The following FAM227B variants were observed in gnomAD, a reference collection of about 807,000 sequenced individuals.
The protein encoded by FAM227B is protein FAM227B.
A neutral mutation model predicts 73.8 loss-of-function variants in FAM227B; 88 were observed. The observed-to-expected ratio is 1.19, with a 90% CI of 1.00 to 1.42. The LOEUF (loss-of-function observed/expected upper bound fraction) is 1.42. Ranked by LOEUF, FAM227B falls within the 40% of genes most tolerant of loss-of-function variation. FAM227B has a pLI of 0.00. For synonymous variants in FAM227B, 210 were observed against 190.5 expected, an observed-to-expected ratio of 1.10 and a Z score of -0.84; for missense variants, 632 against 590.9, an observed-to-expected ratio of 1.07 and a Z score of -0.72.
intron 5 of FAM227B, among the ~76,000 whole-genome samples, chr15:49,580,344 T>C (rs1038382852): frequency 5.9e-5 from 9 of 152,164 alleles, no homozygotes; most frequent in Non-Finnish European, 1.3e-4. Flanking sequence ...TTAAGCACCA[T>C]CTACTGAATC....
intron 11 of FAM227B, among the ~76,000 whole-genome samples, chr15:49,420,341 A>G (rs936580379): frequency 3.9e-5 from 6 of 152,202 alleles, no homozygotes; most frequent in South Asian, 2.1e-4. Flanking sequence ...CCCTGTAGCT[A>G]TAACAAAAAC....
intron 11 of FAM227B, among the ~76,000 whole-genome samples, chr15:49,455,864 T>C (rs1031470320): frequency 5.9e-5 from 9 of 152,046 alleles, no homozygotes; most frequent in African/African-American, 2.2e-4. Context: ...CTTTTTTTTC[T>C]TTTTGTACCC....
chr15:49,392,544 G>T (rs2151578216), intron 11 of FAM227B, among the ~76,000 whole-genome samples: 1 of 152,200 alleles, frequency 6.6e-6, no homozygotes, highest in Admixed American at 6.5e-5. Flanking sequence ...GAGTAACAAG[G>T]CAAGACAATG....
intron 3 of FAM227B, among the ~76,000 whole-genome samples, chr15:49,602,134 A>G (rs1171566339): frequency 1.3e-5 from 2 of 151,880 alleles, no homozygotes; most frequent in Non-Finnish European, 2.9e-5. Flanking sequence ...TGACATACTG[A>G]TTTTTTTTCT....
intron 11 of FAM227B, among the ~76,000 whole-genome samples, chr15:49,406,802 C>T (rs936669689): frequency 6.6e-6 from 1 of 152,006 alleles, no homozygotes; most frequent in Admixed American, 6.5e-5. Context: ...TTGCTGTGGG[C>T]CTGAGGGAAG....
At chr15:49,484,159 C>T (rs887146925) in intron 11 of FAM227B, 18 of 549,784 alleles carry the variant, frequency 3.3e-5, no homozygotes, top group Non-Finnish European at 5.7e-5. Context: ...ATAAGTATAG[C>T]TAATAAACCA....
At chr15:49,342,391 C>T (rs182956321) in intron 13 of FAM227B, among the ~76,000 whole-genome samples, 11 of 152,228 alleles carry the variant, frequency 7.2e-5, no homozygotes, top group Admixed American at 6.5e-4. Context: ...GAACTTTCTC[C>T]AGTCCTTTAA....
chr15:49,377,946 C>T lies in FAM227B; in HGVS notation c.1013-6547G>A, dbSNP rs116459926. On this transcript the variant is annotated intron_variant, in intron 11 of 15. Transcript: ENST00000299338. ...AAAAAATGTCACTTAGACCAATGTC[C>T]TGGAGAGTTTCCCTGATGTTTTCTT... 6.3e-3 allele frequency among the ~76,000 whole-genome samples: 964 copies of T among 152,244 alleles called. 15 individuals are homozygous for T. The highest frequency in any genetic ancestry group is 0.022 in the African/African-American group (908 of 41,546).
intron 11 of FAM227B, among the ~76,000 whole-genome samples, chr15:49,391,031 C>T (rs151217493): frequency 2.8e-4 from 42 of 152,178 alleles, no homozygotes; most frequent in African/African-American, 1.0e-3. Flanking sequence ...CGGCAACTCA[C>T]TTTCCAATTG....
chr15:49,442,623 A>C (rs1303672041), intron 11 of FAM227B, among the ~76,000 whole-genome samples: 1 of 151,656 alleles, frequency 6.6e-6, no homozygotes, highest in Non-Finnish European at 1.5e-5. Flanking sequence ...CTTTGCATAG[A>C]GTAGTTACTC....
chr15:49,426,186 C>G (rs1027770800), intron 11 of FAM227B, among the ~76,000 whole-genome samples: 1 of 151,776 alleles, frequency 6.6e-6, no homozygotes, highest in Non-Finnish European at 1.5e-5. Context: ...AATTTTTCAT[C>G]TATAAAATGT....
At chr15:49,550,960 A>C (rs1320069272) in intron 9 of FAM227B, among the ~76,000 whole-genome samples, 1 of 152,196 alleles carries the variant, frequency 6.6e-6, no homozygotes, top group African/African-American at 2.4e-5. Flanking sequence ...TAGCGAGCCG[A>C]GATCACACCA....
rs1044204329 is a variant in FAM227B at position 49,365,333 on chromosome 15, G to GT, written c.1271+2114dup. On this transcript the variant is annotated intron_variant, in intron 13 of 15. Transcript: ENST00000299338. ...TTTCATCAGCACCAGAACAACAAAT[G>GT]TAAGTATCATGCCAATAGCATAGGC... 30 of 1,568,312 alleles carry GT rather than the reference G, an allele frequency of 1.9e-5. No individual in the cohort carries two copies. In the African/African-American group the frequency reaches 3.8e-4, roughly 20 times the overall value.
intron 11 of FAM227B, chr15:49,424,739 C>T (rs376912968): frequency 1.3e-5 from 7 of 542,698 alleles, no homozygotes; most frequent in Non-Finnish European, 6.2e-6. Context: ...GAACTATGCC[C>T]CTAAAAATAT....
intron 11 of FAM227B, chr15:49,424,445 G>A: frequency 1.2e-6 from 2 of 1,613,506 alleles, no homozygotes; most frequent in Non-Finnish European, 1.7e-6. Context: ...TTCCAGCCCT[G>A]AGCGACACAC....
chr15:49,329,651 G>A, intron 15 of FAM227B: 1 of 984,642 alleles, frequency 1.0e-6, no homozygotes, highest in Non-Finnish European at 1.2e-6. Flanking sequence ...GAAAGCTTGA[G>A]TCAAATTTGT....
At chr15:49,489,915 CAG>C (rs2056927315) in intron 11 of FAM227B, among the ~76,000 whole-genome samples, 2 of 17,326 alleles carry the variant, frequency 1.2e-4, no homozygotes, top group Non-Finnish European at 1.8e-4. Context: ...GAGAGAGAGA[CAG>C]AGAGAGAGAC....
At position 49,328,273 on chromosome 15, in the gene FAM227B, A is replaced by G. The variant is rs776952706; in HGVS notation, c.*295T>C. The G allele has an allele frequency of 1.5e-5, 22 of 1,449,036 alleles. No individual in the cohort carries two copies. The highest frequency in any genetic ancestry group is 1.8e-5 in the Non-Finnish European group (20 of 1,101,826). 89.8% of individuals were successfully genotyped at this position (1,449,036 alleles called of 1,614,324 possible). Reference sequence around the variant, plus strand: ...TTTTGTATTATGATGAACGGTTGCTATTATATCAAGATATATTTTCAAAGA... The same window carrying G: ...TTTTGTATTATGATGAACGGTTGCTGTTATATCAAGATATATTTTCAAAGA... On this transcript the variant is annotated 3_prime_UTR_variant, in exon 16 of 16. Coordinates refer to ENST00000299338, the MANE Select transcript of FAM227B (RefSeq NM_152647.3).
intron 3 of FAM227B, among the ~76,000 whole-genome samples, chr15:49,593,587 A>C (rs7170977): frequency 1 from 151,548 of 151,718 alleles, 75,689 homozygotes; most frequent in South Asian, 1. Flanking sequence ...TTGTACCTCA[A>C]CCCCCGAACC....
Sources: allele counts gnomAD v4.1 joint callset (sites outside exome capture counted in the v4.1 genomes callset), GRCh38; gene constraint gnomAD v4.1.1; transcripts MANE v1.5; gene names NCBI Gene and HGNC (gene_info 2026-07-23, HGNC 2026-07-21).